The following TBC1D14 variants were observed in gnomAD, a reference collection of about 807,000 sequenced individuals.
The protein encoded by TBC1D14 is TBC1 domain family, member 14.
Under a neutral mutation model 79.0 loss-of-function variants are expected in TBC1D14, and 26 were observed. The observed-to-expected ratio is 0.33, with a 90% CI of 0.24 to 0.46. The LOEUF is 0.46. Among genes scored for constraint, TBC1D14 ranks in the 20% least tolerant of loss-of-function variants. The pLI, the probability that TBC1D14 is intolerant of heterozygous loss-of-function variation, is 1.00. For missense variants in TBC1D14, 769 were observed against 887.6 expected (o/e 0.87, Z 1.70); for synonymous variants, 394 against 349.9 (o/e 1.13, Z -1.40).
At position 7,015,553 on chromosome 4, in the gene TBC1D14, C is replaced by T. The variant is rs143783218; in HGVS notation, c.1757+996C>T. 3.2e-3 allele frequency among the ~76,000 whole-genome samples: 483 copies of T among 152,196 alleles called. 2 individuals carry two copies. The highest frequency in any genetic ancestry group is 5.5e-3 in the Admixed American group (84 of 15,296). ...GTCTACGCAGCAGCATTGGGCCAGG[C>T]AGGTCTTCATGCTGTGGTGAAAGGG... On this transcript the variant is annotated intron_variant, in intron 12 of 13. Transcript: ENST00000409757.
At chr4:7,016,200 A>G (rs890642730) in intron 12 of TBC1D14, among the ~76,000 whole-genome samples, 44 of 152,324 alleles carry the variant, frequency 2.9e-4, no homozygotes, top group African/African-American at 8.9e-4. Context: ...TTGGAGGTTG[A>G]ATCTTGTAGC....
At chr4:7,011,236 A>C (rs1297373308) in intron 11 of TBC1D14, among the ~76,000 whole-genome samples, 3 of 151,324 alleles carry the variant, frequency 2.0e-5, no homozygotes, top group Non-Finnish European at 2.9e-5. Flanking sequence ...CACGCTGGAG[A>C]CCATACTCCT....
intron 2 of TBC1D14, among the ~76,000 whole-genome samples, chr4:6,965,396 C>T (rs1385770219): frequency 6.6e-6 from 1 of 152,080 alleles, no homozygotes; most frequent in African/African-American, 2.4e-5. Context: ...ATTTTGAGAG[C>T]TTATAGGTCC....
intron 2 of TBC1D14, among the ~76,000 whole-genome samples, chr4:6,930,246 C>T (rs1711601798): frequency 2.6e-5 from 4 of 152,304 alleles, no homozygotes; most frequent in South Asian, 2.1e-4. Context: ...TGAGCCATCG[C>T]GGGCCAGCAG....
At chr4:6,961,793 TG>T (rs995534374) in intron 2 of TBC1D14, among the ~76,000 whole-genome samples, 1 of 151,850 alleles carries the variant, frequency 6.6e-6, no homozygotes, top group Non-Finnish European at 1.5e-5. Flanking sequence ...CAGGCACACC[TG>T]GGGCGCGACT....
In TBC1D14 at chr4:7,010,680, G is replaced by A. The variant is rs754571889; in HGVS notation, c.1546G>A (p.Val516Met). Residue 516 changes from valine (V) to methionine (M), a missense_variant, in exon 11 of 14, where the codon GTG becomes ATG. Physicochemically the swap from Val to Met is conservative, Grantham distance 21. Coordinates refer to ENST00000409757, the MANE Select transcript of TBC1D14 (RefSeq NM_020773.3). ...CCAGGGCATGTCCTTCATAGCAGCA[G>A]TGTTGATCTTGAACTTAGATACTGC... ...YVQGMSFIAAVLILNLDTADA... is the reference protein window; with the variant it reads ...YVQGMSFIAAMLILNLDTADA... 7.4e-6 allele frequency: 12 copies of A among 1,614,106 alleles called. No individual in the cohort carries two copies. The highest frequency in any genetic ancestry group is 1.0e-5 in the Non-Finnish European group (12 of 1,180,004).
At chr4:6,968,907 C>A (rs1715965041) in intron 3 of TBC1D14, among the ~76,000 whole-genome samples, 1 of 152,178 alleles carries the variant, frequency 6.6e-6, no homozygotes, top group African/African-American at 2.4e-5. Context: ...ACAGAGGATG[C>A]CCCTTTAAGT....
chr4:6,933,798 CTG>C (rs142622660), intron 2 of TBC1D14, among the ~76,000 whole-genome samples: 1,791 of 152,272 alleles, frequency 0.012, 15 homozygotes, highest in Middle Eastern at 0.037. Context: ...CCCTGAGGTG[CTG>C]TACTGAGAGG....
At chr4:6,962,935 A>G (rs938150345) in intron 2 of TBC1D14, among the ~76,000 whole-genome samples, 5 of 152,184 alleles carry the variant, frequency 3.3e-5, no homozygotes, top group African/African-American at 1.2e-4. Context: ...TTGCCAGCAG[A>G]CGTGTGTAGA....
intron 2 of TBC1D14, among the ~76,000 whole-genome samples, chr4:6,941,701 A>G (rs1306030927): frequency 7.2e-5 from 11 of 152,168 alleles, no homozygotes; most frequent in Admixed American, 7.2e-4. Flanking sequence ...GAAGGTGTTG[A>G]TGTCCTTAGA....
At chr4:7,027,567 G>A (rs774500713) in intron 13 of TBC1D14, among the ~76,000 whole-genome samples, 31 of 122,528 alleles carry the variant, frequency 2.5e-4, no homozygotes, top group Admixed American at 7.6e-4. Flanking sequence ...ACAATCACCC[G>A]ACACGCACAT....
chr4:6,916,497 T>C (rs994722354), intron 1 of TBC1D14, among the ~76,000 whole-genome samples: 3 of 152,210 alleles, frequency 2.0e-5, no homozygotes, highest in Non-Finnish European at 4.4e-5. Context: ...CAGTTCCCAC[T>C]GCTTTTTAAG....
At chr4:6,931,047 C>T (rs1011088781) in intron 2 of TBC1D14, among the ~76,000 whole-genome samples, 7 of 151,994 alleles carry the variant, frequency 4.6e-5, no homozygotes, top group Non-Finnish European at 2.9e-5. Context: ...ATTACAGGTG[C>T]GCACTACCAC....
intron 2 of TBC1D14, among the ~76,000 whole-genome samples, chr4:6,944,267 A>G (rs1713211280): frequency 6.6e-6 from 1 of 152,178 alleles, no homozygotes; most frequent in South Asian, 2.1e-4. Flanking sequence ...CGTAGAGGAA[A>G]CATTTCTCAG....
intron 7 of TBC1D14, 136 bp from the exon 8 acceptor site, chr4:7,004,708 T>A: frequency 1.4e-6 from 1 of 696,184 alleles, no homozygotes; most frequent in East Asian, 2.7e-5. Context: ...GGGAATTGTT[T>A]AAGTAGCCTG....
rs776630489 is a variant in TBC1D14 at position 6,923,485 on chromosome 4, C to T, written c.96C>T (p.His32=). 1.4e-5 allele frequency: 22 copies of T among 1,614,102 alleles called. No homozygotes were observed. Among genetic ancestry groups the T allele is most frequent in the Middle Eastern group, 1.6e-4 (1 of 6,084 alleles). ...GAAACCCCCTTCAGAACCTGCAACA[C>T]GTCAATCTCAAGGCGCCCCGACTCC... ...RPGNPLQNLQ[H]VNLKAPRLLS... Residue 32 remains histidine, a synonymous_variant, in exon 2 of 14, where the codon CAC becomes CAT. Coordinates refer to ENST00000409757, the MANE Select transcript of TBC1D14 (RefSeq NM_020773.3).
intron 3 of TBC1D14, among the ~76,000 whole-genome samples, chr4:6,973,396 A>G (rs1174030619): frequency 6.6e-6 from 1 of 152,142 alleles, no homozygotes; most frequent in Non-Finnish European, 1.5e-5. Flanking sequence ...AATAACAAGA[A>G]AAAACTTCAC....
At chr4:7,004,961 C>A in intron 8 of TBC1D14, 37 bp downstream of exon 8, 1 of 1,571,780 alleles carries the variant, frequency 6.4e-7, no homozygotes, top group South Asian at 1.1e-5. Context: ...CTGCTGTGGT[C>A]AATTATGTTT....
At chr4:6,958,587 G>A (rs182250336) in intron 2 of TBC1D14, among the ~76,000 whole-genome samples, 188 of 152,084 alleles carry the variant, frequency 1.2e-3, no homozygotes, top group African/African-American at 3.9e-3. Context: ...GCACTACCAC[G>A]CCTGGCTTAT....
Sources: gnomAD v4.1 joint callset for allele counts (sites outside exome capture counted in the v4.1 genomes callset) on GRCh38, gnomAD v4.1.1 for gene constraint, MANE v1.5 for transcripts, NCBI Gene and HGNC (gene_info 2026-07-23, HGNC 2026-07-21) for gene names.